AFAP1L2: variants seen among roughly 807,000 people sequenced by gnomAD.
AFAP1L2 encodes actin filament associated protein 1 like 2, also known as actin filament-associated protein 1-like 2.
In AFAP1L2, 46 loss-of-function variants were observed where a neutral mutation model predicts 99.3. The observed-to-expected ratio is 0.46, with a 90% CI of 0.37 to 0.59. The LOEUF is 0.59. AFAP1L2 is among the 20% of genes least tolerant of loss of function. AFAP1L2 has a pLI of 0.00. For missense variants in AFAP1L2, 959 were observed against 1,034.9 expected (o/e 0.93, Z 1.01); for synonymous variants, 397 against 419.1 (o/e 0.95, Z 0.64).
the AFAP1L2 span, among the ~76,000 whole-genome samples, chr10:114,283,135 AC>A: frequency 6.6e-6 from 1 of 152,040 alleles, no homozygotes; most frequent in Non-Finnish European, 1.5e-5. Context: ...GGTGCTAGTG[AC>A]CCCACTGACC....
At chr10:114,388,217 C>G (rs1025361648) in intron 1 of AFAP1L2, among the ~76,000 whole-genome samples, 1 of 152,080 alleles carries the variant, frequency 6.6e-6, no homozygotes, top group African/African-American at 2.4e-5. Context: ...CTCCCTCGCA[C>G]CATCCTGCTC....
intron 1 of AFAP1L2, among the ~76,000 whole-genome samples, chr10:114,365,393 G>A (rs552287105): frequency 3.3e-5 from 5 of 151,986 alleles, no homozygotes; most frequent in Admixed American, 6.6e-5. Flanking sequence ...GTCATTAGGC[G>A]GCCATTCAGA....
intron 4 of AFAP1L2, among the ~76,000 whole-genome samples, chr10:114,324,410 CCCG>C (rs1252533478): frequency 3.9e-5 from 5 of 128,434 alleles, no homozygotes; most frequent in African/African-American, 1.4e-4. Flanking sequence ...CCCCCCCCCC[CCCG>C]GCTAATTTTT....
At chr10:114,395,242 C>T (rs559407204) in intron 1 of AFAP1L2, among the ~76,000 whole-genome samples, 1 of 152,184 alleles carries the variant, frequency 6.6e-6, no homozygotes, top group Admixed American at 6.5e-5. Flanking sequence ...AATTGGGTGC[C>T]GCAAAAGTCC....
intron 4 of AFAP1L2, among the ~76,000 whole-genome samples, chr10:114,327,787 C>T (rs1429553314): frequency 6.6e-6 from 1 of 152,214 alleles, no homozygotes; most frequent in Non-Finnish European, 1.5e-5. Flanking sequence ...TTTGCCAACA[C>T]CTGGCTTAGA....
the AFAP1L2 span, chr10:114,284,977 A>T: frequency 1.3e-6 from 2 of 1,585,888 alleles, no homozygotes; most frequent in Non-Finnish European, 1.7e-6. Context: ...TGTGGTAGGT[A>T]TGCACCGGCC....
intron 4 of AFAP1L2, 131 bp from the exon 5 acceptor site, chr10:114,323,392 A>C: frequency 1.4e-6 from 1 of 720,438 alleles, no homozygotes; most frequent in South Asian, 1.7e-5. Context: ...GCAAGTTGGG[A>C]GGGAGAACAT....
chr10:114,311,799 T>A lies in AFAP1L2; in HGVS notation c.793-1356A>T, dbSNP rs1590048415. ...TGGGACCGTCGTCCCATAGTCAGCA[T>A]CTCCCGTTTACTGTCATATACCTGT... On this transcript the variant is annotated intron_variant, in intron 7 of 18. Transcript: ENST00000304129. Among the ~76,000 whole-genome samples, 2 of 152,246 alleles carry A rather than the reference T, an allele frequency of 1.3e-5. 1 individual carries two copies. Among genetic ancestry groups the A allele is most frequent in the East Asian group, 3.9e-4 (2 of 5,166 alleles).
intron 1 of AFAP1L2, chr10:114,393,679 C>G (rs911897443): frequency 1.3e-5 from 2 of 152,098 alleles, no homozygotes; most frequent in African/African-American, 4.8e-5. Context: ...CCTCCGAGAA[C>G]AAAACAGCCT....
rs2041178125 is a variant in AFAP1L2, at chr10:114,301,472, A to T, written c.1431-7T>A. The T allele has an allele frequency of 1.2e-6, 2 of 1,604,600 alleles. No homozygotes were observed. Among genetic ancestry groups the T allele is most frequent in the Non-Finnish European group, 1.7e-6 (2 of 1,171,378 alleles). ...GAACTTTCTCTGCATCAGTCTGGAA[A>T]CAGGGCGAGGTGGCACACATGAAGC... On this transcript the variant is annotated splice_region_variant and splice_polypyrimidine_tract_variant and intron_variant, in intron 12 of 18. Transcript: ENST00000304129.
At chr10:114,327,827 C>G (rs192084807) in intron 4 of AFAP1L2, among the ~76,000 whole-genome samples, 60 of 152,350 alleles carry the variant, frequency 3.9e-4, no homozygotes, top group Middle Eastern at 3.4e-3. Context: ...AGGGGTGGCT[C>G]AGAGGACCCG....
At chr10:114,382,121 T>C (rs890640849) in intron 1 of AFAP1L2, among the ~76,000 whole-genome samples, 1 of 152,204 alleles carries the variant, frequency 6.6e-6, no homozygotes, top group Non-Finnish European at 1.5e-5. Flanking sequence ...TCTTTGCAAA[T>C]TGTAAGCACA....
chr10:114,315,751 C>T lies in AFAP1L2; in HGVS notation c.421G>A (p.Val141Met). ...DTSLNEDGEA[V>M]SSSYESYDEE... ...TCGTAGGACTCGTAGGAGCTGCTCA[C>T]AGCCTCTCCGTCCTCTGCAAGGAAG... The change falls in exon 6 of 19, where the codon GTG (valine) becomes ATG (methionine). Residue 141 changes from valine to methionine, a missense_variant. Val to Met is a conservative substitution (Grantham distance 21). This residue lies in a region of AFAP1L2 where 383 missense variants were observed against 472.8 expected (regional missense o/e 0.81). Transcript: ENST00000304129. 1.9e-6 allele frequency: 3 copies of T among 1,612,144 alleles called. No individual in the cohort carries two copies. The highest frequency in any genetic ancestry group is 1.3e-5 in the African/African-American group (1 of 75,052).
chr10:114,345,881 A>T (rs1296720066), intron 1 of AFAP1L2, among the ~76,000 whole-genome samples: 1 of 142,914 alleles, frequency 7.0e-6, no homozygotes, highest in Non-Finnish European at 1.5e-5. Context: ...GAGATGCGGA[A>T]AGCCATCAGA....
intron 2 of AFAP1L2, among the ~76,000 whole-genome samples, chr10:114,333,877 G>A (rs2135674966): frequency 6.6e-6 from 1 of 152,294 alleles, no homozygotes; most frequent in Non-Finnish European, 1.5e-5. Flanking sequence ...CCACCAAGTA[G>A]AGATGTCTCT....
At chr10:114,373,956 T>C (rs1276163640) in intron 1 of AFAP1L2, among the ~76,000 whole-genome samples, 1 of 152,044 alleles carries the variant, frequency 6.6e-6, no homozygotes, top group Non-Finnish European at 1.5e-5. Flanking sequence ...TGGGATGCAG[T>C]GAAGTCCCAA....
intron 11 of AFAP1L2, 92 bp downstream of exon 11, chr10:114,304,627 C>T: frequency 8.2e-7 from 1 of 1,218,182 alleles, no homozygotes; most frequent in Non-Finnish European, 1.1e-6. Context: ...ATTGATTCTC[C>T]CTTAGTAGCA....
chr10:114,346,444 A>G lies in AFAP1L2; in HGVS notation c.17-5713T>C, dbSNP rs1055774142. ...AGGAGGCCATAGGCGATTCTCCTCCAGACACACCCTTTCGGGATCCAGCCA... is the reference window on the plus strand; with the variant it reads ...AGGAGGCCATAGGCGATTCTCCTCCGGACACACCCTTTCGGGATCCAGCCA... On this transcript the variant is annotated intron_variant, in intron 1 of 18. Transcript: ENST00000304129. Among the ~76,000 whole-genome samples, 13 of 152,208 alleles carry G rather than the reference A, an allele frequency of 8.5e-5. No individual in the cohort carries two copies. In the East Asian group the frequency reaches 2.5e-3, roughly 29 times the overall value.
intron 1 of AFAP1L2, among the ~76,000 whole-genome samples, chr10:114,352,460 C>A (rs532665133): frequency 2.5e-5 from 3 of 121,058 alleles, no homozygotes; most frequent in African/African-American, 1.0e-4. Flanking sequence ...GGTAACAGAG[C>A]AAGACTCTGT....
Sources: allele counts gnomAD v4.1 joint callset (sites outside exome capture counted in the v4.1 genomes callset), GRCh38; gene constraint gnomAD v4.1.1; regional missense constraint gnomAD v4.1.1; transcripts MANE v1.5; gene names NCBI Gene and HGNC (gene_info 2026-07-23, HGNC 2026-07-21).